Variants in KCNAB1 observed in about 807,000 individuals in gnomAD.
The protein encoded by KCNAB1 is potassium voltage-gated channel subfamily A regulatory beta subunit 1.
Under a neutral mutation model 64.6 loss-of-function variants are expected in KCNAB1, and 35 were observed. The observed-to-expected ratio is 0.54, with a 90% confidence interval of 0.41 to 0.72. The LOEUF (loss-of-function observed/expected upper bound fraction) is 0.72. KCNAB1 is among the 30% of genes least tolerant of loss of function. The pLI, the probability that KCNAB1 is intolerant of heterozygous loss-of-function variation, is 0.00. For missense variants in KCNAB1, 401 were observed against 512.9 expected (o/e 0.78, Z 2.11); for synonymous variants, 177 against 183.8 (o/e 0.96, Z 0.30).
chr3:156,118,770 T>A (rs1713187836), upstream of KCNAB1, among the ~76,000 whole-genome samples: 1 of 152,194 alleles, frequency 6.6e-6, no homozygotes. Flanking sequence ...CTTTCCACAG[T>A]TCCATTGCAG....
At position 156,183,211 on chromosome 3, in the gene KCNAB1, G is replaced by C. The variant is rs1250253397; in HGVS notation, c.275+62325G>C. Among the ~76,000 whole-genome samples the C allele has an allele frequency of 2.0e-5, 3 of 152,104 alleles. No homozygotes were observed. The East Asian group carries it at 5.8e-4, about 29-fold the overall frequency. On this transcript the variant is annotated intron_variant, in intron 1 of 13. Coordinates refer to ENST00000490337, the MANE Select transcript of KCNAB1 (RefSeq NM_172160.3). ...GGAGTTGGGGCATAGAGAACCCCGG[G>C]AGGGAGACAAGGAAACATGAGGTAG...
intron 1 of KCNAB1, among the ~76,000 whole-genome samples, chr3:156,174,596 A>G (rs188393981): frequency 2.6e-5 from 4 of 152,316 alleles, no homozygotes; most frequent in African/African-American, 9.6e-5. Context: ...TCAATGGGAA[A>G]TCAGGGACCC....
At position 156,176,829 on chromosome 3, in the gene KCNAB1, A is replaced by C. The variant is rs541179862; in HGVS notation, c.275+55943A>C. The C allele has an allele frequency of 8.5e-4, 822 of 964,476 alleles. 10 individuals carry two copies. The highest frequency in any genetic ancestry group is 8.1e-3 in the South Asian group (621 of 76,426). 59.7% of individuals were successfully genotyped at this position (964,476 alleles called of 1,614,324 possible). ...CCCGGCTCCAGGGCCCGATCCCGCCACTCCCAACAGCAACTCATGCCGCTG... is the reference window on the plus strand; with the variant it reads ...CCCGGCTCCAGGGCCCGATCCCGCCCCTCCCAACAGCAACTCATGCCGCTG... On this transcript the variant is annotated intron_variant, in intron 1 of 13. Transcript: ENST00000490337.
At chr3:156,356,860 T>A (rs1725278935) in intron 1 of KCNAB1, among the ~76,000 whole-genome samples, 1 of 152,162 alleles carries the variant, frequency 6.6e-6, no homozygotes, top group Non-Finnish European at 1.5e-5. Flanking sequence ...AAGAAACAGG[T>A]CCAGGTTACA....
chr3:156,442,144 A>G (rs1480032063), intron 2 of KCNAB1, among the ~76,000 whole-genome samples: 4 of 152,160 alleles, frequency 2.6e-5, no homozygotes, highest in African/African-American at 9.7e-5. Context: ...TGCCTACATC[A>G]GGAAATTTAA....
chr3:156,403,744 A>G (rs920908210), intron 1 of KCNAB1, among the ~76,000 whole-genome samples: 9 of 152,112 alleles, frequency 5.9e-5, no homozygotes, highest in Non-Finnish European at 1.3e-4. Context: ...AATAAAAAAT[A>G]TTAGCTGGGC....
intron 1 of KCNAB1, among the ~76,000 whole-genome samples, chr3:156,249,539 G>A (rs986726517): frequency 6.6e-6 from 1 of 151,000 alleles, no homozygotes; most frequent in African/African-American, 2.4e-5. Context: ...TTCAGCCTGG[G>A]TGACAGAGCA....
At chr3:156,440,886 G>C (rs11924460) in intron 2 of KCNAB1, among the ~76,000 whole-genome samples, 2,755 of 151,970 alleles carry the variant, frequency 0.018, 68 homozygotes, top group East Asian at 0.1. Flanking sequence ...AATATGGTTG[G>C]GAACTTTTTA....
chr3:156,346,977 T>TAGAG (rs3836229), intron 1 of KCNAB1, among the ~76,000 whole-genome samples: 41,393 of 151,864 alleles, frequency 0.27, 7,913 homozygotes, highest in African/African-American at 0.55. Context: ...GTCAAAGAGA[T>TAGAG]AAAGAACCTA....
intron 1 of KCNAB1, among the ~76,000 whole-genome samples, chr3:156,316,836 G>A (rs559695996): frequency 6.6e-6 from 1 of 152,268 alleles, no homozygotes; most frequent in Non-Finnish European, 1.5e-5. Flanking sequence ...GAAGACATGG[G>A]AACTCCAAAG....
chr3:156,432,113 T>A (rs570915410), intron 2 of KCNAB1, among the ~76,000 whole-genome samples: 1 of 152,328 alleles, frequency 6.6e-6, no homozygotes, highest in South Asian at 2.1e-4. Flanking sequence ...ATGACCACCA[T>A]GAATAGTTAA....
intron 1 of KCNAB1, among the ~76,000 whole-genome samples, chr3:156,420,198 CA>C (rs912326509): frequency 6.6e-6 from 1 of 152,226 alleles, no homozygotes; most frequent in African/African-American, 2.4e-5. Context: ...CTTTAGCACA[CA>C]TTCTCACGAT....
chr3:156,428,753 A>G (rs1466482357), intron 2 of KCNAB1, among the ~76,000 whole-genome samples: 2 of 152,162 alleles, frequency 1.3e-5, no homozygotes, highest in African/African-American at 4.8e-5. Context: ...ATCCAAATGG[A>G]GCTTTCCTGG....
At chr3:156,500,115 A>G (rs1716293472) in intron 8 of KCNAB1, among the ~76,000 whole-genome samples, 1 of 152,172 alleles carries the variant, frequency 6.6e-6, no homozygotes, top group Admixed American at 6.5e-5. Context: ...GGCCAGAGTC[A>G]TTGGTTTATG....
chr3:156,377,164 C>T (rs964436494), intron 1 of KCNAB1, among the ~76,000 whole-genome samples: 1 of 152,106 alleles, frequency 6.6e-6, no homozygotes, highest in Non-Finnish European at 1.5e-5. Flanking sequence ...TTCTACTTGG[C>T]TTCAAAGACA....
intron 8 of KCNAB1, among the ~76,000 whole-genome samples, chr3:156,484,837 C>T (rs1354492173): frequency 7.0e-6 from 1 of 143,672 alleles, no homozygotes; most frequent in East Asian, 2.1e-4. Context: ...TAACCCCCCT[C>T]CTGAATATTT....
chr3:156,442,466 TAAAAC>T (rs1475689445), intron 2 of KCNAB1, among the ~76,000 whole-genome samples: 1 of 152,164 alleles, frequency 6.6e-6, no homozygotes, highest in African/African-American at 2.4e-5. Context: ...AAACAAATCT[TAAAAC>T]AAAATGGAGC....
rs552561214 is a variant in KCNAB1, at chr3:156,310,593, G to T, written c.276-111023G>T. 9.5e-4 allele frequency among the ~76,000 whole-genome samples: 144 copies of T among 152,244 alleles called. 3 individuals carry two copies. The South Asian group carries it at 0.028, about 30-fold the overall frequency. On this transcript the variant is annotated intron_variant, in intron 1 of 13. Coordinates refer to ENST00000490337, the MANE Select transcript of KCNAB1 (RefSeq NM_172160.3). ...CCAAGGGGGGCAGATCACGAGGTCA[G>T]GAGTTCGAGACCATCCTGGCTAACA...
At chr3:156,513,167 T>C (rs1356592539) in intron 8 of KCNAB1, among the ~76,000 whole-genome samples, 2 of 151,956 alleles carry the variant, frequency 1.3e-5, no homozygotes, top group Non-Finnish European at 2.9e-5. Context: ...AGCCGAGATC[T>C]TGCCACTGCA....
Sources: allele counts gnomAD v4.1 joint callset (sites outside exome capture counted in the v4.1 genomes callset), GRCh38; gene constraint gnomAD v4.1.1; transcripts MANE v1.5; gene names NCBI Gene and HGNC (gene_info 2026-07-23, HGNC 2026-07-21).